The following TBC1D5 variants were observed in gnomAD, a reference collection of about 807,000 sequenced individuals.
TBC1D5 encodes TBC1 domain family, member 5.
In TBC1D5, 75 loss-of-function variants were observed where a neutral mutation model predicts 100.3. The observed-to-expected ratio is 0.75, with a 90% CI of 0.62 to 0.91. TBC1D5 has a LOEUF of 0.91. Ranked by LOEUF, TBC1D5 falls within the 40% of genes least tolerant of loss-of-function variation. The probability of loss-of-function intolerance (pLI) is 0.00; values close to 1 mark genes in which losing one functional copy is unlikely to be tolerated. For missense variants in TBC1D5, 910 were observed against 942.4 expected (o/e 0.97, Z 0.45); for synonymous variants, 323 against 325.6 (o/e 0.99, Z 0.09).
chr3:17,264,687 T>C (rs905249086), intron 15 of TBC1D5, among the ~76,000 whole-genome samples: 1 of 152,236 alleles, frequency 6.6e-6, no homozygotes, highest in African/African-American at 2.4e-5. Flanking sequence ...CATCCATTAC[T>C]AGTGGAGCAA....
At chr3:17,450,069 G>A (rs980830671) in intron 3 of TBC1D5, among the ~76,000 whole-genome samples, 6 of 152,094 alleles carry the variant, frequency 3.9e-5, no homozygotes, top group Admixed American at 2.0e-4. Flanking sequence ...TGGAGCCTCC[G>A]CTGGTGATAC....
At chr3:17,172,411 T>C (rs530614549) in intron 19 of TBC1D5, among the ~76,000 whole-genome samples, 1 of 152,352 alleles carries the variant, frequency 6.6e-6, no homozygotes, top group South Asian at 2.1e-4. Context: ...TAATGATGTC[T>C]TTCCATGGCT....
intron 19 of TBC1D5, among the ~76,000 whole-genome samples, chr3:17,182,203 G>A (rs768013899): frequency 3.3e-5 from 5 of 152,124 alleles, no homozygotes; most frequent in East Asian, 3.8e-4. Flanking sequence ...TCTGTGGGCC[G>A]TGGAGCCAGG....
At chr3:17,243,005 T>A (rs541000528) in intron 16 of TBC1D5, among the ~76,000 whole-genome samples, 5 of 152,262 alleles carry the variant, frequency 3.3e-5, no homozygotes, top group African/African-American at 1.2e-4. Context: ...ATGGAAATAA[T>A]GCGTGTTCAG....
intron 16 of TBC1D5, among the ~76,000 whole-genome samples, chr3:17,257,211 C>A (rs2077793019): frequency 6.6e-6 from 1 of 151,994 alleles, no homozygotes; most frequent in Admixed American, 6.6e-5. Flanking sequence ...CAAAGGATTC[C>A]AGCTAAAAAG....
intron 13 of TBC1D5, among the ~76,000 whole-genome samples, chr3:17,308,943 T>A (rs2083692512): frequency 6.6e-6 from 1 of 151,966 alleles, no homozygotes. Context: ...AAGAAAAAAA[T>A]TTGGTTTGAT....
intron 2 of TBC1D5, among the ~76,000 whole-genome samples, chr3:17,613,505 G>T (rs903172504): frequency 1.3e-5 from 2 of 152,186 alleles, no homozygotes; most frequent in Admixed American, 1.3e-4. Context: ...CCCATCAACA[G>T]TGTAAAAGTG....
At chr3:17,553,427 A>G (rs1034064081) in intron 2 of TBC1D5, among the ~76,000 whole-genome samples, 5 of 152,172 alleles carry the variant, frequency 3.3e-5, no homozygotes, top group African/African-American at 1.2e-4. Context: ...GTACAACACC[A>G]AGGGAGGGGG....
At chr3:17,576,664 G>A (rs2096658789) in intron 2 of TBC1D5, 1 of 151,922 alleles carries the variant, frequency 6.6e-6, no homozygotes, top group African/African-American at 2.4e-5. Flanking sequence ...TATAAGACAA[G>A]CTATTATGAT....
intron 14 of TBC1D5, among the ~76,000 whole-genome samples, chr3:17,295,000 G>T (rs1312700991): frequency 6.6e-6 from 1 of 152,042 alleles, no homozygotes; most frequent in Non-Finnish European, 1.5e-5. Context: ...CTGTAATAGT[G>T]TTCTTTTCCC....
At position 17,181,220 on chromosome 3, in the gene TBC1D5, T is replaced by A. The variant is rs1012279728; in HGVS notation, c.1852+3889A>T. ...GCACATCCCAAATTCCAGCATCGTT[T>A]TGCATCATTTGATAGAGGAATATTC... is the stretch of plus-strand genomic sequence containing the variant. On this transcript the variant is annotated intron_variant, in intron 19 of 21. Coordinates refer to ENST00000253692, the Ensembl canonical transcript of TBC1D5. Among the ~76,000 whole-genome samples, 6 of 152,204 alleles carry A rather than the reference T, an allele frequency of 3.9e-5. No individual in the cohort carries two copies. The South Asian group carries it at 1.0e-3, about 26-fold the overall frequency.
intron 2 of TBC1D5, among the ~76,000 whole-genome samples, chr3:17,604,451 TAC>T (rs2061204029): frequency 6.6e-6 from 1 of 152,148 alleles, no homozygotes; most frequent in East Asian, 1.9e-4. Flanking sequence ...CCACATATAT[TAC>T]ATATAAATTG....
At chr3:17,622,282 C>T (rs542362207) in intron 2 of TBC1D5, among the ~76,000 whole-genome samples, 3 of 152,196 alleles carry the variant, frequency 2.0e-5, no homozygotes, top group African/African-American at 4.8e-5. Flanking sequence ...CTGTGTGGCC[C>T]CATTCCTAAC....
intron 20 of TBC1D5, among the ~76,000 whole-genome samples, chr3:17,167,201 A>C (rs561231489): frequency 4.0e-4 from 61 of 152,314 alleles, no homozygotes; most frequent in Non-Finnish European, 5.9e-4. Context: ...CACTATCTTA[A>C]AACAGGAAGC....
At chr3:17,341,179 G>A (rs2088842715) in intron 13 of TBC1D5, among the ~76,000 whole-genome samples, 1 of 152,012 alleles carries the variant, frequency 6.6e-6, no homozygotes, top group Admixed American at 6.5e-5. Flanking sequence ...CACTTTACAT[G>A]TAGCTCTTTA....
chr3:17,412,562 T>C lies in TBC1D5; in HGVS notation c.168-6036A>G, dbSNP rs1389065851. Among the ~76,000 whole-genome samples the C allele has an allele frequency of 5.9e-5, 9 of 152,090 alleles. No homozygotes were observed. The South Asian group carries it at 1.9e-3, about 31-fold the overall frequency. ...TATTGAGGTGTCAGTGGTGAAATATTTCAGTTTAATTTAAAAAAAAGTAGT... is the reference window on the plus strand; with the variant it reads ...TATTGAGGTGTCAGTGGTGAAATATCTCAGTTTAATTTAAAAAAAAGTAGT... On this transcript the variant is annotated intron_variant, in intron 4 of 21. Transcript: ENST00000253692.
chr3:17,607,305 G>C (rs2061387687), intron 2 of TBC1D5, among the ~76,000 whole-genome samples: 1 of 152,108 alleles, frequency 6.6e-6, no homozygotes, highest in Non-Finnish European at 1.5e-5. Flanking sequence ...TTATATAGCA[G>C]TGAATAAAAT....
rs565964833 is a variant in TBC1D5 at position 17,375,565 on chromosome 3, T to A, written c.702-886A>T. 6.6e-3 allele frequency among the ~76,000 whole-genome samples: 940 copies of A among 143,052 alleles called. 5 individuals carry two copies. The highest frequency in any genetic ancestry group is 0.024 in the South Asian group (110 of 4,502). 93.8% of individuals were successfully genotyped at this position (143,052 alleles called of 152,430 possible). A position where few individuals can be genotyped will look rare whatever the true frequency, so the allele number is the denominator to read the frequency against. ...AGACTCTGTCTCAAAACATAAAATT[T>A]AAAAAAAAAAAAGGCATTACAACAG... On this transcript the variant is annotated intron_variant, in intron 10 of 21. Coordinates refer to ENST00000253692, the Ensembl canonical transcript of TBC1D5.
intron 13 of TBC1D5, among the ~76,000 whole-genome samples, chr3:17,355,285 T>C (rs2091105558): frequency 6.6e-6 from 1 of 152,174 alleles, no homozygotes; most frequent in African/African-American, 2.4e-5. Flanking sequence ...TTCAAATGTA[T>C]TGTTCTATTT....
Sources: allele counts gnomAD v4.1 joint callset (sites outside exome capture counted in the v4.1 genomes callset), GRCh38; gene constraint gnomAD v4.1.1; transcripts MANE v1.5; gene names NCBI Gene and HGNC (gene_info 2026-07-23, HGNC 2026-07-21).